The following DPP8 variants were observed in gnomAD, a reference collection of about 807,000 sequenced individuals.
The protein encoded by DPP8 is dipeptidyl peptidase 8, also known as DPP VIII.
DPP8 carries 31 observed loss-of-function variants against 107.5 expected under a neutral mutation model. That is an observed-to-expected ratio of 0.29 (90% CI 0.22 to 0.39). The LOEUF is 0.39. Among genes scored for constraint, DPP8 ranks in the 10% least tolerant of loss-of-function variants. DPP8 has a pLI of 1.00. For missense variants in DPP8, 842 were observed against 1,076.1 expected (o/e 0.78, Z 3.04); for synonymous variants, 381 against 356.6 (o/e 1.07, Z -0.77).
At chr15:65,514,248 G>GA (rs756450352) in intron 1 of DPP8, among the ~76,000 whole-genome samples, 6 of 152,186 alleles carry the variant, frequency 3.9e-5, no homozygotes, top group Non-Finnish European at 5.9e-5. Context: ...AAAGTGGCCA[G>GA]AAAACCTATT....
intron 15 of DPP8, among the ~76,000 whole-genome samples, chr15:65,462,821 T>G (rs1414619149): frequency 2.6e-5 from 4 of 151,800 alleles, no homozygotes; most frequent in Non-Finnish European, 4.4e-5. Flanking sequence ...CCTTGTGATC[T>G]GCCCACCTCG....
At chr15:65,455,788 C>T (rs1457533461) in intron 16 of DPP8, 1 of 1,289,126 alleles carries the variant, frequency 7.8e-7, no homozygotes. Flanking sequence ...TCATCATTTC[C>T]CAAAGCAGCA....
chr15:65,489,640 G>C (rs941078558), intron 6 of DPP8, among the ~76,000 whole-genome samples: 7 of 146,642 alleles, frequency 4.8e-5, no homozygotes, highest in African/African-American at 1.5e-4. Context: ...GGATGGTCTC[G>C]ATCTCCTGAC....
At chr15:65,481,732 TA>T in intron 8 of DPP8, 117 bp from the exon 9 acceptor site, 1 of 592,922 alleles carries the variant, frequency 1.7e-6, no homozygotes, top group African/African-American at 2.0e-5. Context: ...AGTTAGGTAT[TA>T]AAAAGGAACA....
At position 65,447,013 on chromosome 15, in the gene DPP8, A is replaced by G. The variant is rs192937160; in HGVS notation, c.2527-7T>C. 1.9e-6 allele frequency: 3 copies of G among 1,553,178 alleles called. No individual in the cohort carries two copies. Among genetic ancestry groups the G allele is most frequent in the Non-Finnish European group, 2.6e-6 (3 of 1,155,962 alleles). The stretch of plus-strand genomic sequence containing the variant: ...GTCTCTCCTGAGGATAGATCTTACC[A>G]ACAACAAAAAATAAAGATACAAAAA... On this transcript the variant is annotated splice_polypyrimidine_tract_variant and splice_region_variant and intron_variant, in intron 19 of 19. Transcript: ENST00000300141.
chr15:65,511,221 G>T (rs963138524), intron 2 of DPP8, among the ~76,000 whole-genome samples: 3 of 152,056 alleles, frequency 2.0e-5, no homozygotes, highest in African/African-American at 7.2e-5. Flanking sequence ...ATTACTGGAG[G>T]TCTGGTTAAG....
rs369230835 is a variant in DPP8 at position 65,480,284 on chromosome 15, A to G, written c.1234T>C (p.Ser412Pro). 23 of 1,613,826 alleles carry G rather than the reference A, an allele frequency of 1.4e-5. No homozygotes were observed. The highest frequency in any genetic ancestry group is 5.0e-5 in the Admixed American group (3 of 59,942). ...AGTGGCGTCACAGAATCAGGCACTG[A>G]CTCAATGAGTCTCTGCCTTTCCATA... is the stretch of plus-strand genomic sequence containing the variant. ...DVMERQRLIE[S>P]VPDSVTPLII... is the part of the protein sequence containing the mutation. The change falls in exon 10 of 20, where the codon TCA (serine) becomes CCA (proline). Residue 412 changes from serine to proline, a missense_variant. This residue lies in a region of DPP8 where 663 missense variants were observed against 758.0 expected (regional missense o/e 0.87). Transcript: ENST00000300141.
intron 14 of DPP8, 101 bp downstream of exon 14, chr15:65,466,577 G>A: frequency 9.3e-7 from 1 of 1,080,698 alleles, no homozygotes; most frequent in Non-Finnish European, 1.4e-6. Context: ...AGTGGTGAGA[G>A]ATGGAAAGAC....
intron 2 of DPP8, among the ~76,000 whole-genome samples, chr15:65,508,249 A>G (rs1002325085): frequency 6.6e-5 from 10 of 152,164 alleles, no homozygotes; most frequent in African/African-American, 2.4e-4. Flanking sequence ...CAAAAAAAAA[A>G]AAGTTCTGTA....
At position 65,485,135 on chromosome 15, in the gene DPP8, A is replaced by G; in HGVS notation, c.981T>C (p.Phe327=). The G allele has an allele frequency of 6.2e-7, 1 of 1,609,836 alleles. No homozygotes were observed. The highest frequency in any genetic ancestry group is 8.5e-7 in the Non-Finnish European group (1 of 1,176,044). The part of the protein sequence containing the change: ...KTGTANPKVT[F]KMSEIMIDAE... ...CATCAATCATTATTTCTGACATCTT[A>G]AAAGTGACTTTAGGATTTGCTGTAC... The change falls in exon 8 of 20, where the codon TTT becomes TTC. Residue 327 remains phenylalanine (F), a synonymous_variant. Coordinates refer to ENST00000300141, the MANE Select transcript of DPP8 (RefSeq NM_130434.5).
intron 6 of DPP8, 43 bp from the exon 7 acceptor site, chr15:65,487,861 CAG>C: frequency 7.3e-7 from 1 of 1,368,846 alleles, no homozygotes. Flanking sequence ...AGAATTATTC[CAG>C]AGAGTAGTCA....
chr15:65,481,761 A>G, intron 8 of DPP8, 146 bp from the exon 9 acceptor site: 2 of 508,436 alleles, frequency 3.9e-6, no homozygotes, highest in East Asian at 3.6e-5. Context: ...TAGCAAATCT[A>G]GAAGTAAATT....
intron 5 of DPP8, 128 bp from the exon 6 acceptor site, chr15:65,490,427 G>A: frequency 1.5e-6 from 1 of 677,722 alleles, no homozygotes; most frequent in Non-Finnish European, 2.6e-6. Flanking sequence ...AACGGACTGA[G>A]TTCAAATCTG....
chr15:65,465,938 C>T (rs2065311768), intron 14 of DPP8, among the ~76,000 whole-genome samples: 2 of 152,204 alleles, frequency 1.3e-5, no homozygotes, highest in African/African-American at 4.8e-5. Context: ...AGCAAGTGTT[C>T]TTTTATTAAA....
intron 8 of DPP8, 49 bp downstream of exon 8, chr15:65,485,046 CTGAA>C (rs2067271386): frequency 7.2e-7 from 1 of 1,388,246 alleles, no homozygotes; most frequent in Non-Finnish European, 1.0e-6. Flanking sequence ...CCCTACTGGG[CTGAA>C]TAGATTAGTC....
At position 65,478,784 on chromosome 15, in the gene DPP8, G is replaced by A. The variant is rs1595968039; in HGVS notation, c.1456+96C>T. Reference sequence around the variant, plus strand: ...TATTAAGTTTAACAAAGCAAGTATTGATGCTTATAAAGCATGCAAAAGATA... The same window carrying A: ...TATTAAGTTTAACAAAGCAAGTATTAATGCTTATAAAGCATGCAAAAGATA... On this transcript the variant is annotated intron_variant, in intron 11 of 19. Coordinates refer to ENST00000300141, the MANE Select transcript of DPP8 (RefSeq NM_130434.5). The A allele has an allele frequency of 4.9e-6, 4 of 811,274 alleles. No homozygotes were observed. The South Asian group carries it at 5.3e-5, about 11-fold the overall frequency. 50.3% of individuals were successfully genotyped at this position (811,274 alleles called of 1,614,324 possible).
intron 1 of DPP8, among the ~76,000 whole-genome samples, chr15:65,515,382 A>G (rs1359494888): frequency 6.6e-6 from 1 of 152,224 alleles, no homozygotes; most frequent in East Asian, 1.9e-4. Context: ...AACATTGTAC[A>G]GTCCAAATGA....
chr15:65,499,105 G>GTGTGTGTGTATA (rs1555468189), intron 4 of DPP8, among the ~76,000 whole-genome samples: 137 of 138,826 alleles, frequency 9.9e-4, no homozygotes, highest in African/African-American at 3.1e-3. Flanking sequence ...GTGTGTGTGT[G>GTGTGTGTGTATA]TATATATAAA....
chr15:65,494,332 G>A (rs189877569), intron 5 of DPP8, among the ~76,000 whole-genome samples: 2 of 151,494 alleles, frequency 1.3e-5, no homozygotes, highest in South Asian at 2.1e-4. Context: ...CTCCTACCTC[G>A]GCTCCCAGAG....
Sources: gnomAD v4.1 joint callset for allele counts (sites outside exome capture counted in the v4.1 genomes callset) on GRCh38, gnomAD v4.1.1 for gene constraint, gnomAD v4.1.1 regional missense constraint, MANE v1.5 for transcripts, NCBI Gene and HGNC (gene_info 2026-07-23, HGNC 2026-07-21) for gene names.